The following SNTG2 variants were observed in gnomAD, a reference collection of about 807,000 sequenced individuals.
SNTG2 encodes syntrophin gamma 2, also known as gamma-2-syntrophin.
A neutral mutation model predicts 70.9 loss-of-function variants in SNTG2; 74 were observed. The ratio of observed to expected loss-of-function variants is 1.04; its 90% CI spans 0.86 to 1.27. SNTG2 has a LOEUF of 1.27. Ranked by LOEUF, SNTG2 falls within the 50% of genes most tolerant of loss-of-function variation. SNTG2 has a pLI of 0.00. For missense variants in SNTG2, 717 were observed against 690.7 expected (o/e 1.04, Z -0.43); for synonymous variants, 278 against 273.8 (o/e 1.02, Z -0.15).
chr2:1,321,784 C>T (rs907613047), intron 16 of SNTG2, among the ~76,000 whole-genome samples: 2 of 151,694 alleles, frequency 1.3e-5, no homozygotes, highest in Non-Finnish European at 1.5e-5. Context: ...TGAAGCACAA[C>T]GCCCCCTTCC....
intron 14 of SNTG2, among the ~76,000 whole-genome samples, chr2:1,295,150 G>C (rs1020380960): frequency 3.9e-5 from 6 of 152,172 alleles, no homozygotes; most frequent in Non-Finnish European, 7.3e-5. Context: ...AGGGACTCTC[G>C]TGTGGCCATG....
At chr2:1,110,085 T>C (rs757066560) in intron 4 of SNTG2, among the ~76,000 whole-genome samples, 16 of 152,032 alleles carry the variant, frequency 1.1e-4, no homozygotes, top group Non-Finnish European at 1.9e-4. Flanking sequence ...TAACCAAATA[T>C]ATATACTACA....
intron 15 of SNTG2, among the ~76,000 whole-genome samples, chr2:1,314,314 T>C (rs1681164748): frequency 6.6e-6 from 1 of 152,176 alleles, no homozygotes; most frequent in African/African-American, 2.4e-5. Context: ...TGATCACAGG[T>C]CCCTCCTACA....
At chr2:1,326,805 C>A (rs774412549) in intron 16 of SNTG2, among the ~76,000 whole-genome samples, 46 of 152,136 alleles carry the variant, frequency 3.0e-4, no homozygotes, top group Admixed American at 3.0e-3. Context: ...ATAAAATTTT[C>A]ATAAATATTT....
At chr2:1,140,058 G>A (rs1000829159) in intron 6 of SNTG2, among the ~76,000 whole-genome samples, 4 of 152,028 alleles carry the variant, frequency 2.6e-5, no homozygotes, top group African/African-American at 7.2e-5. Context: ...TCTAAAAGAC[G>A]TATAAATCAT....
intron 1 of SNTG2, among the ~76,000 whole-genome samples, chr2:966,072 C>T (rs1287892113): frequency 6.6e-6 from 1 of 152,218 alleles, no homozygotes; most frequent in South Asian, 2.1e-4. Flanking sequence ...TGCCCAGGGT[C>T]CCCCGCGGAA....
chr2:1,059,879 AAGAC>A (rs1662700345), intron 1 of SNTG2, among the ~76,000 whole-genome samples: 1 of 152,208 alleles, frequency 6.6e-6, no homozygotes, highest in African/African-American at 2.4e-5. Flanking sequence ...TATATAAACT[AAGAC>A]AGAGTTATAT....
intron 6 of SNTG2, among the ~76,000 whole-genome samples, chr2:1,161,879 C>G (rs925339515): frequency 1.3e-5 from 2 of 152,012 alleles, no homozygotes; most frequent in Non-Finnish European, 2.9e-5. Context: ...TCGAGACCAT[C>G]CTGGCTAACA....
chr2:1,227,750 G>T (rs1675889959), intron 9 of SNTG2, among the ~76,000 whole-genome samples: 1 of 152,206 alleles, frequency 6.6e-6, no homozygotes, highest in Non-Finnish European at 1.5e-5. Flanking sequence ...TTTCCTCTGA[G>T]ACATGATTAT....
chr2:1,018,991 C>T (rs943680027), intron 1 of SNTG2, among the ~76,000 whole-genome samples: 16 of 152,262 alleles, frequency 1.1e-4, no homozygotes, highest in Admixed American at 7.2e-4. Flanking sequence ...GAATACAGCA[C>T]GCATGCAGAG....
Position 1,131,476 on chromosome 2 carries a change from G to T in SNTG2, c.326-6146G>T, listed in dbSNP as rs115552376. Among the ~76,000 whole-genome samples, 866 of 152,122 alleles carry T rather than the reference G, an allele frequency of 5.7e-3. 6 individuals are homozygous for T. Among genetic ancestry groups the T allele is most frequent in the African/African-American group, 0.02 (820 of 41,474 alleles). On this transcript the variant is annotated intron_variant, in intron 4 of 16. Transcript: ENST00000308624. Reference sequence around the variant, plus strand: ...ATTATGTATTTTAGTGATATCCTTGGAATCTACAGATCGTTAAAGTGAGCT... The same window carrying T: ...ATTATGTATTTTAGTGATATCCTTGTAATCTACAGATCGTTAAAGTGAGCT...
At chr2:1,222,069 C>G (rs1315814307) in intron 9 of SNTG2, among the ~76,000 whole-genome samples, 1 of 28,676 alleles carries the variant, frequency 3.5e-5, no homozygotes, top group Non-Finnish European at 9.2e-5. Context: ...CTCTGTTTCT[C>G]TCTGTCTCTG....
chr2:1,238,664 GC>G (rs953873172), intron 10 of SNTG2, among the ~76,000 whole-genome samples: 13 of 152,348 alleles, frequency 8.5e-5, no homozygotes, highest in African/African-American at 3.1e-4. Flanking sequence ...CGTGGCCGCA[GC>G]CCTGGCAACT....
intron 1 of SNTG2, among the ~76,000 whole-genome samples, chr2:1,016,607 A>G (rs1464683615): frequency 6.6e-6 from 1 of 152,242 alleles, no homozygotes; most frequent in African/African-American, 2.4e-5. Flanking sequence ...TGCCTCCAGC[A>G]GAGACCGAAA....
intron 1 of SNTG2, among the ~76,000 whole-genome samples, chr2:1,063,428 G>A (rs548962167): frequency 6.6e-6 from 1 of 152,232 alleles, no homozygotes; most frequent in South Asian, 2.1e-4. Context: ...CAGCAGGGCC[G>A]AGAGAAGAGT....
At chr2:1,281,260 GTA>G (rs1679511275) in intron 14 of SNTG2, among the ~76,000 whole-genome samples, 1 of 37,254 alleles carries the variant, frequency 2.7e-5, no homozygotes, top group East Asian at 1.3e-3. Context: ...GTGTGTGGTG[GTA>G]TGTGTGTGCT....
At chr2:1,191,749 C>T (rs58835164) in intron 8 of SNTG2, among the ~76,000 whole-genome samples, 9,959 of 152,186 alleles carry the variant, frequency 0.065, 453 homozygotes, top group East Asian at 0.21. Context: ...GAGCCGACAT[C>T]GTGCCACTGC....
chr2:980,143 T>C lies in SNTG2; in HGVS notation c.72+29075T>C, dbSNP rs559343828. ...GAATTCCAAATTACCATCCTCCTTATAGTTAATTCTTCATCACACAGCCAT... is the reference window on the plus strand; with the variant it reads ...GAATTCCAAATTACCATCCTCCTTACAGTTAATTCTTCATCACACAGCCAT... On this transcript the variant is annotated intron_variant, in intron 1 of 16. Transcript: ENST00000308624. Among the ~76,000 whole-genome samples the C allele has an allele frequency of 1.3e-4, 20 of 152,304 alleles. No individual in the cohort carries two copies. In the South Asian group the frequency reaches 4.2e-3, roughly 32 times the overall value.
intron 7 of SNTG2, among the ~76,000 whole-genome samples, chr2:1,168,003 G>A (rs867653738): frequency 3.3e-3 from 416 of 126,648 alleles, no homozygotes; most frequent in African/African-American, 0.012. Flanking sequence ...CCCACAGACG[G>A]CAGAACTGAA....
Sources: allele counts gnomAD v4.1 joint callset (sites outside exome capture counted in the v4.1 genomes callset), GRCh38; gene constraint gnomAD v4.1.1; transcripts MANE v1.5; gene names NCBI Gene and HGNC (gene_info 2026-07-23, HGNC 2026-07-21).